The following PDE4D variants were observed in gnomAD, a reference collection of about 807,000 sequenced individuals.
PDE4D encodes the protein 3',5'-cyclic-AMP phosphodiesterase 4D.
Under a neutral mutation model 87.4 loss-of-function variants are expected in PDE4D, and 24 were observed. The observed-to-expected ratio is 0.27, with a 90% CI of 0.20 to 0.39. The LOEUF (loss-of-function observed/expected upper bound fraction) is 0.39. Among genes scored for constraint, PDE4D ranks in the 10% least tolerant of loss-of-function variants. The probability of loss-of-function intolerance (pLI) is 1.00; values close to 1 mark genes in which losing one functional copy is unlikely to be tolerated. For missense variants in PDE4D, 714 were observed against 1,041.0 expected (o/e 0.69, Z 4.32); for synonymous variants, 384 against 383.2 (o/e 1.00, Z -0.02).
intron 1 of PDE4D, among the ~76,000 whole-genome samples, chr5:60,480,621 A>G (rs201882882): frequency 1.1e-4 from 16 of 152,258 alleles, no homozygotes; most frequent in East Asian, 7.7e-4. Flanking sequence ...TGCCATTTTC[A>G]TGACAAAAAC....
At chr5:60,287,149 T>A (rs998120911) in intron 1 of PDE4D, among the ~76,000 whole-genome samples, 9 of 152,178 alleles carry the variant, frequency 5.9e-5, no homozygotes, top group African/African-American at 2.2e-4. Context: ...GGCACTACTC[T>A]AGACAGCACA....
At chr5:60,182,580 T>C (rs888322974) in intron 2 of PDE4D, among the ~76,000 whole-genome samples, 3 of 151,836 alleles carry the variant, frequency 2.0e-5, no homozygotes, top group Admixed American at 6.6e-5. Flanking sequence ...TGCAGTGAGC[T>C]GAGATCCCGG....
chr5:60,042,533 T>G (rs953494264), intron 2 of PDE4D, among the ~76,000 whole-genome samples: 2 of 152,122 alleles, frequency 1.3e-5, no homozygotes, highest in African/African-American at 4.8e-5. Flanking sequence ...GACAGACACC[T>G]CATACAGGAG....
intron 1 of PDE4D, among the ~76,000 whole-genome samples, chr5:59,397,014 A>G (rs1340583142): frequency 7.9e-6 from 1 of 126,416 alleles, no homozygotes; most frequent in African/African-American, 3.1e-5. Context: ...AAAGGGATCA[A>G]TTCAACAAGA....
chr5:59,234,334 T>C (rs1343719128), intron 1 of PDE4D, among the ~76,000 whole-genome samples: 1 of 152,202 alleles, frequency 6.6e-6, no homozygotes, highest in Non-Finnish European at 1.5e-5. Flanking sequence ...CCCATTTTAT[T>C]TCCCACTTAT....
intron 1 of PDE4D, among the ~76,000 whole-genome samples, chr5:59,494,390 C>T (rs533030263): frequency 3.4e-4 from 52 of 152,266 alleles, no homozygotes; most frequent in Non-Finnish European, 6.2e-4. Context: ...AGCTCCTGAA[C>T]ATCTGTTAGG....
At chr5:60,358,427 G>A (rs1240305504) in intron 1 of PDE4D, among the ~76,000 whole-genome samples, 2 of 152,282 alleles carry the variant, frequency 1.3e-5, no homozygotes, top group Admixed American at 6.5e-5. Flanking sequence ...AGCTGGCAGA[G>A]GCATTGATAA....
rs58202935 is a variant in PDE4D, at chr5:59,039,747, C to T, written c.809-776G>A. 430 of 155,372 alleles carry T rather than the reference C, an allele frequency of 2.8e-3. 4 individuals carry two copies. In the East Asian group the frequency reaches 0.043, roughly 16 times the overall value. The allele number at this position is 155,372 out of a possible 1,614,324, so 9.6% of individuals were successfully genotyped here. A position where few individuals can be genotyped will look rare whatever the true frequency, so the allele number is the denominator to read the frequency against. On this transcript the variant is annotated intron_variant, in intron 5 of 14. Transcript: ENST00000340635. Reference sequence around the variant, plus strand: ...GGGCCCCGCCACCTCGCAGTGCCATCCCCCCGGCGCAGCCGGGCGCCACTC... The same window carrying T: ...GGGCCCCGCCACCTCGCAGTGCCATTCCCCCGGCGCAGCCGGGCGCCACTC...
At chr5:60,151,919 C>T (rs997498744) in intron 2 of PDE4D, among the ~76,000 whole-genome samples, 2 of 152,090 alleles carry the variant, frequency 1.3e-5, no homozygotes, top group African/African-American at 4.8e-5. Context: ...TAAATTCTTT[C>T]TATACCTAAT....
At chr5:59,818,073 C>A (rs1219380491) in intron 1 of PDE4D, among the ~76,000 whole-genome samples, 1 of 152,190 alleles carries the variant, frequency 6.6e-6, no homozygotes, top group East Asian at 1.9e-4. Flanking sequence ...GTGAAGCTCA[C>A]ATGTATCCAA....
chr5:59,901,064 TTAAAA>T (rs1356573721), intron 3 of PDE4D, among the ~76,000 whole-genome samples: 2 of 152,214 alleles, frequency 1.3e-5, no homozygotes, highest in African/African-American at 4.8e-5. Context: ...AACGGATTTC[TTAAAA>T]TAGAAGAATT....
intron 1 of PDE4D, among the ~76,000 whole-genome samples, chr5:60,276,768 T>A (rs917089885): frequency 3.9e-5 from 6 of 152,178 alleles, no homozygotes; most frequent in African/African-American, 1.4e-4. Flanking sequence ...TTGTCTAAAG[T>A]TTTTCTTTTA....
At chr5:60,354,450 C>G (rs1759443138) in intron 1 of PDE4D, among the ~76,000 whole-genome samples, 1 of 152,196 alleles carries the variant, frequency 6.6e-6, no homozygotes, top group Non-Finnish European at 1.5e-5. Flanking sequence ...AAAGCAGTCT[C>G]CATACATAGC....
At chr5:60,509,787 G>A (rs773325596) in intron 1 of PDE4D, among the ~76,000 whole-genome samples, 37 of 151,890 alleles carry the variant, frequency 2.4e-4, no homozygotes, top group Admixed American at 7.2e-4. Context: ...CTCCTAGAAG[G>A]CTACACTCTT....
rs571038181 is a variant in PDE4D at position 59,352,538 on chromosome 5, G to A, written c.456-136570C>T. Among the ~76,000 whole-genome samples, 19 of 152,284 alleles carry A rather than the reference G, an allele frequency of 1.2e-4. 1 individual carries two copies. The South Asian group carries it at 3.9e-3, about 32-fold the overall frequency. The stretch of plus-strand genomic sequence containing the variant: ...GCAGTTTGGTTGGGCAATCACTGAT[G>A]TGCTACCACTCAGGTTTTGGTAGTA... On this transcript the variant is annotated intron_variant, in intron 1 of 14. Coordinates refer to ENST00000340635, the MANE Select transcript of PDE4D (RefSeq NM_001104631.2).
intron 1 of PDE4D, among the ~76,000 whole-genome samples, chr5:59,476,452 C>A (rs1803307626): frequency 6.6e-6 from 1 of 152,076 alleles, no homozygotes; most frequent in Non-Finnish European, 1.5e-5. Flanking sequence ...TTTTAGCAGG[C>A]CTAGTGAATA....
intron 2 of PDE4D, among the ~76,000 whole-genome samples, chr5:60,043,341 G>A (rs1768748855): frequency 6.6e-6 from 1 of 152,096 alleles, no homozygotes; most frequent in African/African-American, 2.4e-5. Flanking sequence ...TCAAAGTGAT[G>A]GGAGAATGGA....
chr5:59,963,205 T>C (rs543781258), intron 3 of PDE4D, among the ~76,000 whole-genome samples: 9 of 152,292 alleles, frequency 5.9e-5, no homozygotes, highest in Admixed American at 1.3e-4. Flanking sequence ...CTCTCTATAT[T>C]CCACTCTGGA....
chr5:59,399,303 G>A (rs1283989781), intron 1 of PDE4D, among the ~76,000 whole-genome samples: 1 of 134,440 alleles, frequency 7.4e-6, no homozygotes, highest in Non-Finnish European at 1.7e-5. Flanking sequence ...AACAAAGCTG[G>A]AGGCATCACG....
Sources: gnomAD v4.1 joint callset for allele counts (sites outside exome capture counted in the v4.1 genomes callset) on GRCh38, gnomAD v4.1.1 for gene constraint, MANE v1.5 for transcripts, NCBI Gene and HGNC (gene_info 2026-07-23, HGNC 2026-07-21) for gene names.